TMEM120B: variants seen among roughly 807,000 people sequenced by gnomAD.
The protein encoded by TMEM120B is transmembrane protein 120B.
In TMEM120B, 31 loss-of-function variants were observed where a neutral mutation model predicts 55.5. The observed-to-expected ratio is 0.56, with a 90% confidence interval of 0.42 to 0.75. TMEM120B has a LOEUF of 0.75. Among genes scored for constraint, TMEM120B ranks in the 30% least tolerant of loss-of-function variants. The pLI is 0.00. For missense variants in TMEM120B, 399 were observed against 425.5 expected, an observed-to-expected ratio of 0.94 and a Z score of 0.55; for synonymous variants, 203 against 176.3, an observed-to-expected ratio of 1.15 and a Z score of -1.20.
intron 1 of TMEM120B, among the ~76,000 whole-genome samples, chr12:121,720,085 A>C (rs184457155): frequency 6.6e-6 from 1 of 152,284 alleles, no homozygotes; most frequent in Admixed American, 6.5e-5. Context: ...TTCACAGCTG[A>C]TGACACCGAG....
rs35474958 is a variant in TMEM120B, at chr12:121,778,450, CAA to C, written c.*2748_*2749del. On this transcript the variant is annotated 3_prime_UTR_variant, in exon 12 of 12. Transcript: ENST00000449592. ...TGAGTGACAGAATGAGACTCTGTCC[CAA>C]AAAAAAAAAAAAAAAAAAATTCCCA... 1.4e-3 allele frequency: 128 copies of C among 90,842 alleles called. No individual in the cohort carries two copies. Among genetic ancestry groups the C allele is most frequent in the African/African-American group, 2.6e-3 (68 of 25,982 alleles). The allele number at this position is 90,842 out of a possible 1,614,324, so 5.6% of individuals were successfully genotyped here. A position where few individuals can be genotyped will look rare whatever the true frequency, so the allele number is the denominator to read the frequency against.
At chr12:121,742,542 T>C (rs969431586) in intron 1 of TMEM120B, among the ~76,000 whole-genome samples, 1 of 152,206 alleles carries the variant, frequency 6.6e-6, no homozygotes, top group Non-Finnish European at 1.5e-5. Context: ...CATTCTAATT[T>C]TGGTACATGT....
intron 6 of TMEM120B, among the ~76,000 whole-genome samples, chr12:121,763,653 G>A (rs951068034): frequency 6.6e-6 from 1 of 152,104 alleles, no homozygotes; most frequent in African/African-American, 2.4e-5. Context: ...ATGTTGGCCA[G>A]GCTGGTCTCA....
chr12:121,733,178 A>G (rs1232730724), intron 1 of TMEM120B, among the ~76,000 whole-genome samples: 2 of 152,134 alleles, frequency 1.3e-5, no homozygotes, highest in Non-Finnish European at 2.9e-5. Context: ...GGGAAGGACT[A>G]AAGAAACTAG....
rs1375492597 is a variant in TMEM120B, at chr12:121,762,270, T to C, written c.551+532T>C. Among the ~76,000 whole-genome samples the C allele has an allele frequency of 3.7e-5, 5 of 135,816 alleles. No homozygotes were observed. In the East Asian group the frequency reaches 1.0e-3, roughly 28 times the overall value. The allele number at this position is 135,816 out of a possible 152,430, so 89.1% of individuals were successfully genotyped here. A position where few individuals can be genotyped will look rare whatever the true frequency, so the allele number is the denominator to read the frequency against. On this transcript the variant is annotated intron_variant, in intron 6 of 11. Transcript: ENST00000449592. ...CCCAGGGACAATGCAGGACTCTGTC[T>C]CAAAAAAAAAAAAAAAAGAGGTGAC...
chr12:121,724,582 G>C (rs1408494518), intron 1 of TMEM120B, among the ~76,000 whole-genome samples: 1 of 149,354 alleles, frequency 6.7e-6, no homozygotes, highest in Admixed American at 6.8e-5. Context: ...ATATGCAGGA[G>C]ACCAAAAAAT....
rs1008597229 is a variant in TMEM120B at position 121,779,303 on chromosome 12, A to G, written c.*3581A>G. On this transcript the variant is annotated 3_prime_UTR_variant, in exon 12 of 12. Coordinates refer to ENST00000449592, the MANE Select transcript of TMEM120B (RefSeq NM_001080825.2). ...TGCACCCACATCACCACCATGTCCC[A>G]GGGGCAGCCTGGAGGGGAGTTTGTG... is the stretch of plus-strand genomic sequence containing the variant. The G allele has an allele frequency of 1.4e-5, 9 of 628,934 alleles. No homozygotes were observed. The highest frequency in any genetic ancestry group is 2.5e-5 in the Non-Finnish European group (9 of 366,244). The allele number at this position is 628,934 out of a possible 1,614,324, so 39.0% of individuals were successfully genotyped here. A position where few individuals can be genotyped will look rare whatever the true frequency, so the allele number is the denominator to read the frequency against.
chr12:121,769,390 A>G (rs1175227124), intron 6 of TMEM120B, among the ~76,000 whole-genome samples: 2 of 152,166 alleles, frequency 1.3e-5, no homozygotes, highest in Non-Finnish European at 2.9e-5. Context: ...TGTACAGGGC[A>G]ATGTCATAGC....
At chr12:121,715,745 C>T (rs1455827063) in intron 1 of TMEM120B, among the ~76,000 whole-genome samples, 4 of 152,070 alleles carry the variant, frequency 2.6e-5, no homozygotes, top group African/African-American at 9.7e-5. Context: ...CTGCCATCTA[C>T]ATCTTCAATT....
chr12:121,728,746 G>T (rs1305481999), intron 1 of TMEM120B, among the ~76,000 whole-genome samples: 1 of 152,180 alleles, frequency 6.6e-6, no homozygotes, highest in Non-Finnish European at 1.5e-5. Context: ...AGCAGTTCCA[G>T]GAGCTCAGGT....
intron 1 of TMEM120B, among the ~76,000 whole-genome samples, chr12:121,723,134 A>C (rs1555329974): frequency 6.9e-6 from 1 of 145,980 alleles, no homozygotes; most frequent in Non-Finnish European, 1.5e-5. Context: ...GACATGAGCC[A>C]CCGCGCCTGG....
At chr12:121,760,424 C>A (rs1342498121) in intron 5 of TMEM120B, among the ~76,000 whole-genome samples, 11 of 152,154 alleles carry the variant, frequency 7.2e-5, no homozygotes, top group Non-Finnish European at 1.5e-4. Flanking sequence ...TGGTGACCCT[C>A]CTCTGATTCT....
chr12:121,762,483 G>C (rs35468570), intron 6 of TMEM120B, among the ~76,000 whole-genome samples: 2 of 152,134 alleles, frequency 1.3e-5, no homozygotes, highest in African/African-American at 2.4e-5. Flanking sequence ...GGTCGCACTG[G>C]CTATGTCCAG....
chr12:121,775,585 G>A lies in TMEM120B; in HGVS notation c.907-24G>A, dbSNP rs1405096376. The A allele has an allele frequency of 5.0e-6, 8 of 1,603,842 alleles. No individual in the cohort carries two copies. The highest frequency in any genetic ancestry group is 3.4e-5 in the Admixed American group (2 of 59,546). ...TCAGCAGGGCAGATGCCCCAGCCTC[G>A]CCCTCCTCTCTGGACTCCCCCAGGT... On this transcript the variant is annotated intron_variant, in intron 11 of 11. Transcript: ENST00000449592. This position sits in a 1 kb window ranked among gnomAD's most constrained non-coding sequence, Gnocchi z 4.3.
chr12:121,768,485 G>A (rs1873917293), intron 6 of TMEM120B, among the ~76,000 whole-genome samples: 1 of 152,172 alleles, frequency 6.6e-6, no homozygotes, highest in Admixed American at 6.5e-5. Context: ...TCGTTCTTAC[G>A]ATGTGCGTAT....
chr12:121,719,938 G>C (rs999210151), intron 1 of TMEM120B, among the ~76,000 whole-genome samples: 3 of 152,160 alleles, frequency 2.0e-5, no homozygotes, highest in African/African-American at 7.2e-5. Context: ...GACCTCAGGT[G>C]ATCTGCCCAC....
chr12:121,768,269 A>G (rs938213359), intron 6 of TMEM120B, among the ~76,000 whole-genome samples: 12 of 152,182 alleles, frequency 7.9e-5, no homozygotes, highest in Non-Finnish European at 1.8e-4. Flanking sequence ...TTCACCAGCC[A>G]CACCTCCCAG....
intron 6 of TMEM120B, among the ~76,000 whole-genome samples, chr12:121,769,540 TAA>T (rs532647665): frequency 5.2e-4 from 76 of 146,506 alleles, no homozygotes; most frequent in Non-Finnish European, 2.9e-4. Flanking sequence ...ACCCTGTCTC[TAA>T]AAAAAAAAAA....
chr12:121,758,135 G>A (rs1397217024), intron 5 of TMEM120B: 16 of 984,806 alleles, frequency 1.6e-5, no homozygotes, highest in Non-Finnish European at 1.8e-5. Flanking sequence ...CAGAGCCTTT[G>A]TCAGTGCCTC....
Sources: allele counts gnomAD v4.1 joint callset (sites outside exome capture counted in the v4.1 genomes callset), GRCh38; gene constraint gnomAD v4.1.1; non-coding constraint Gnocchi (gnomAD v3.1); transcripts MANE v1.5; gene names NCBI Gene and HGNC (gene_info 2026-07-23, HGNC 2026-07-21).